KANK1: variants seen among roughly 807,000 people sequenced by gnomAD.
KANK1 encodes the protein KN motif and ankyrin repeat domains 1, also known as KN motif and ankyrin repeat domain-containing protein 1.
A neutral mutation model predicts 106.2 loss-of-function variants in KANK1; 109 were observed. The ratio of observed to expected loss-of-function variants is 1.03; its 90% CI spans 0.88 to 1.20. KANK1 has a LOEUF of 1.20. Among genes scored for constraint, KANK1 ranks in the 50% most tolerant of loss-of-function variants. KANK1 has a pLI of 0.00. For synonymous variants in KANK1, 873 were observed against 652.2 expected, an observed-to-expected ratio of 1.34 and a Z score of -5.16; for missense variants, 2,399 against 1,710.7, an observed-to-expected ratio of 1.40 and a Z score of -7.10.
At chr9:642,637 A>G (rs1049448387) in intron 1 of KANK1, among the ~76,000 whole-genome samples, 9 of 150,808 alleles carry the variant, frequency 6.0e-5, no homozygotes, top group Non-Finnish European at 1.3e-4. Context: ...CCCTCCTTTG[A>G]GTGGGAGAAA....
chr9:501,012 G>A (rs1020021368), upstream of KANK1, among the ~76,000 whole-genome samples: 3 of 152,062 alleles, frequency 2.0e-5, no homozygotes, highest in African/African-American at 4.8e-5. Flanking sequence ...ACTGAGAGTG[G>A]GACAGCCAAA....
intron 1 of KANK1, among the ~76,000 whole-genome samples, chr9:536,703 C>T (rs1234899241): frequency 2.0e-5 from 3 of 152,158 alleles, no homozygotes; most frequent in Non-Finnish European, 4.4e-5. Flanking sequence ...ATCTCTCCAT[C>T]CCAAAGTCCT....
chr9:638,204 G>T (rs1384873119), intron 1 of KANK1, among the ~76,000 whole-genome samples: 3 of 152,198 alleles, frequency 2.0e-5, no homozygotes, highest in African/African-American at 7.2e-5. Flanking sequence ...TGTGGCTTAT[G>T]ATAGAATTCC....
chr9:574,359 G>A (rs976953464), intron 1 of KANK1, among the ~76,000 whole-genome samples: 1 of 151,280 alleles, frequency 6.6e-6, no homozygotes, highest in South Asian at 2.1e-4. Flanking sequence ...CTAGTTGACT[G>A]GGGTGCTCTG....
At chr9:652,882 G>A (rs1414157919) in intron 1 of KANK1, among the ~76,000 whole-genome samples, 2 of 152,110 alleles carry the variant, frequency 1.3e-5, no homozygotes, top group African/African-American at 2.4e-5. Flanking sequence ...AATTTGGAAG[G>A]GATGGGGAAA....
intron 1 of KANK1, among the ~76,000 whole-genome samples, chr9:640,729 C>T (rs1052021362): frequency 5.5e-5 from 8 of 144,914 alleles, no homozygotes; most frequent in Non-Finnish European, 1.2e-4. Flanking sequence ...TGGAGTCTTG[C>T]TCTGTTGCCC....
Position 740,786 on chromosome 9 carries a change from TTA to T in KANK1, c.3554-5_3554-4del. The stretch of plus-strand genomic sequence containing the variant: ...CTAAGAGACTTTTTTTTTTTTTTTT[TTA>T]CAGATGTGTGTAATGTGGATCACCA... On this transcript the variant is annotated splice_region_variant and splice_polypyrimidine_tract_variant and intron_variant, in intron 8 of 11. Coordinates refer to ENST00000382297, the MANE Select transcript of KANK1 (RefSeq NM_015158.5). The T allele has an allele frequency of 6.3e-7, 1 of 1,582,510 alleles. No individual in the cohort carries two copies. The highest frequency in any genetic ancestry group is 1.9e-5 in the Admixed American group (1 of 53,188).
chr9:712,805 T>C lies in KANK1; in HGVS notation c.2039T>C (p.Val680Ala). 1 of 1,613,504 alleles carries C rather than the reference T, an allele frequency of 6.2e-7. No individual in the cohort carries two copies. Among genetic ancestry groups the C allele is most frequent in the Non-Finnish European group, 8.5e-7 (1 of 1,179,810 alleles). ...GACACTAGCACAGATTTGGAACAGG[T>C]GCACCAGTTCACCAACACCGAGACG... ...DQDTSTDLEQ[V>A]HQFTNTETAT... The change falls in exon 3 of 12, where the codon GTG becomes GCG. Residue 680 changes from valine (V) to alanine (A), a missense_variant. By Grantham distance (64) the Val-to-Ala change is moderately conservative (BLOSUM62 0). Coordinates refer to ENST00000382297, the MANE Select transcript of KANK1 (RefSeq NM_015158.5).
At chr9:512,977 G>C (rs1170469148) in intron 1 of KANK1, among the ~76,000 whole-genome samples, 1 of 152,156 alleles carries the variant, frequency 6.6e-6, no homozygotes, top group African/African-American at 2.4e-5. Context: ...AGGCCGTAGA[G>C]ATATGGAAAA....
intron 1 of KANK1, among the ~76,000 whole-genome samples, chr9:603,448 C>G (rs1224824294): frequency 6.6e-6 from 1 of 151,812 alleles, no homozygotes; most frequent in African/African-American, 2.4e-5. Flanking sequence ...TGTCTTCCAT[C>G]TAATGTAAAG....
chr9:504,976 A>G (rs980217027), intron 1 of KANK1, among the ~76,000 whole-genome samples: 5 of 149,732 alleles, frequency 3.3e-5, no homozygotes, highest in Non-Finnish European at 5.9e-5. Flanking sequence ...GGGGTCCGAG[A>G]GGTGGCGTCG....
At chr9:724,860 G>C (rs891312634) in intron 3 of KANK1, among the ~76,000 whole-genome samples, 1 of 152,090 alleles carries the variant, frequency 6.6e-6, no homozygotes, top group African/African-American at 2.4e-5. Context: ...TTTGGAGGCC[G>C]CTGCAATATT....
chr9:597,566 C>G (rs1489872467), intron 1 of KANK1, among the ~76,000 whole-genome samples: 1 of 151,518 alleles, frequency 6.6e-6, no homozygotes, highest in East Asian at 1.9e-4. Flanking sequence ...TTGTTGTTGA[C>G]TTGTAAGAGT....
At chr9:538,917 G>A (rs1389769893) in intron 1 of KANK1, among the ~76,000 whole-genome samples, 1 of 152,164 alleles carries the variant, frequency 6.6e-6, no homozygotes, top group Non-Finnish European at 1.5e-5. Context: ...GTCTCACTGT[G>A]TTGCCCAGGC....
At chr9:618,416 C>T (rs1163577081) in intron 1 of KANK1, among the ~76,000 whole-genome samples, 1 of 152,108 alleles carries the variant, frequency 6.6e-6, no homozygotes, top group African/African-American at 2.4e-5. Context: ...CCATATCGGC[C>T]AGGCTGGTCT....
intron 1 of KANK1, among the ~76,000 whole-genome samples, chr9:666,707 TTTTG>T (rs2138362823): frequency 6.6e-6 from 1 of 152,282 alleles, no homozygotes; most frequent in Non-Finnish European, 1.5e-5. Context: ...ATCATATGGT[TTTTG>T]TTCTTGGTTC....
At chr9:578,973 A>G (rs1300383203) in intron 1 of KANK1, among the ~76,000 whole-genome samples, 1 of 152,224 alleles carries the variant, frequency 6.6e-6, no homozygotes, top group Non-Finnish European at 1.5e-5. Context: ...TTGACTTAAT[A>G]AATGTCTGCA....
At chr9:625,496 A>G (rs977296403) in intron 1 of KANK1, among the ~76,000 whole-genome samples, 4 of 152,118 alleles carry the variant, frequency 2.6e-5, no homozygotes, top group Admixed American at 6.5e-5. Context: ...CTCTTAATCT[A>G]CAGGAAACTT....
chr9:550,835 C>G (rs991802594), intron 1 of KANK1, among the ~76,000 whole-genome samples: 2 of 152,122 alleles, frequency 1.3e-5, no homozygotes, highest in Non-Finnish European at 2.9e-5. Flanking sequence ...CATTCTTTCT[C>G]CGAACTGTCT....
Sources: allele counts gnomAD v4.1 joint callset (sites outside exome capture counted in the v4.1 genomes callset), GRCh38; gene constraint gnomAD v4.1.1; transcripts MANE v1.5; gene names NCBI Gene and HGNC (gene_info 2026-07-23, HGNC 2026-07-21).